The following DNAH5 variants were observed in gnomAD, a reference collection of about 807,000 sequenced individuals.
DNAH5 encodes axonemal beta dynein heavy chain 5.
DNAH5 carries 372 observed loss-of-function variants against 518.2 expected under a neutral mutation model. The ratio of observed to expected loss-of-function variants is 0.72; its 90% CI spans 0.66 to 0.78. DNAH5 has a LOEUF of 0.78. Among genes scored for constraint, DNAH5 ranks in the 30% least tolerant of loss-of-function variants. The pLI is 0.00. For missense variants in DNAH5, 5,523 were observed against 5,687.0 expected (o/e 0.97, Z 0.93); for synonymous variants, 2,039 against 2,025.9 (o/e 1.01, Z -0.17).
In DNAH5 at chr5:13,840,991, G is replaced by C; in HGVS notation, c.5624C>G (p.Thr1875Arg). 1 of 1,614,114 alleles carries C rather than the reference G, an allele frequency of 6.2e-7. No individual in the cohort carries two copies. The change falls in exon 34 of 79, where the codon ACG becomes AGG. Residue 1875 changes from threonine (T) to arginine (R), a missense_variant. By Grantham distance (71) the Thr-to-Arg change is moderately conservative. Around this residue, in one of 3 missense-constraint regions of DNAH5, gnomAD observed 5,121 missense variants for 5,223.3 expected, o/e 0.98. Coordinates refer to ENST00000265104, the MANE Select transcript of DNAH5 (RefSeq NM_001369.3). ...TCGTTCCGTGGAACTCAGATCCCTC[G>C]TGGTGACGTCTATCAATGTATTGAG... Reference protein sequence around the residue: ...ELLNTLIDVTTRDLSSTERVK... With the variant: ...ELLNTLIDVTRRDLSSTERVK...
At chr5:13,698,414 C>T (rs565718860) in intron 78 of DNAH5, among the ~76,000 whole-genome samples, 3 of 152,306 alleles carry the variant, frequency 2.0e-5, no homozygotes, top group African/African-American at 7.2e-5. Flanking sequence ...AAACGCCAAG[C>T]CATTTCTCCT....
At chr5:13,986,269 G>A (rs1783052398) in intron 1 of DNAH5, among the ~76,000 whole-genome samples, 2 of 152,190 alleles carry the variant, frequency 1.3e-5, no homozygotes, top group Admixed American at 6.5e-5. Flanking sequence ...GTGGAAAATA[G>A]TGTGTCAATC....
At chr5:13,749,194 G>T (rs951498663) in intron 65 of DNAH5, among the ~76,000 whole-genome samples, 10 of 152,044 alleles carry the variant, frequency 6.6e-5, no homozygotes, top group African/African-American at 2.4e-4. Context: ...TAAAGGTTAG[G>T]CGTTATAATG....
chr5:13,779,320 A>G (rs907090197), intron 53 of DNAH5, among the ~76,000 whole-genome samples: 1 of 152,198 alleles, frequency 6.6e-6, no homozygotes, highest in Non-Finnish European at 1.5e-5. Context: ...TAATCTTTGG[A>G]TTTATTCTCC....
intron 12 of DNAH5, among the ~76,000 whole-genome samples, chr5:13,906,696 T>TA (rs1369665147): frequency 1.3e-5 from 2 of 152,022 alleles, no homozygotes; most frequent in Admixed American, 6.6e-5. Context: ...TAGAGTACAA[T>TA]AAAAAAGCTA....
chr5:13,875,465 C>A (rs1278191842), intron 22 of DNAH5, among the ~76,000 whole-genome samples: 560 of 105,794 alleles, frequency 5.3e-3, no homozygotes, highest in African/African-American at 7.3e-3. Flanking sequence ...GAAACTCCTT[C>A]AAAAAAAAAA....
At chr5:13,964,777 T>C (rs1377433975) in intron 1 of DNAH5, among the ~76,000 whole-genome samples, 1 of 152,218 alleles carries the variant, frequency 6.6e-6, no homozygotes, top group East Asian at 1.9e-4. Flanking sequence ...TGTTTAAAGA[T>C]ATATACAGTA....
At chr5:13,755,650 C>CA (rs995494108) in intron 61 of DNAH5, among the ~76,000 whole-genome samples, 3 of 151,972 alleles carry the variant, frequency 2.0e-5, no homozygotes, top group Admixed American at 2.0e-4. Flanking sequence ...GGAGTTAAGG[C>CA]AAAAAAACTA....
chr5:13,830,441 T>C (rs1763503832), intron 36 of DNAH5, among the ~76,000 whole-genome samples, 156 bp downstream of exon 36: 1 of 152,120 alleles, frequency 6.6e-6, no homozygotes, highest in Admixed American at 6.5e-5. Flanking sequence ...GGAAGTAACA[T>C]TTGGTCCACA....
chr5:13,938,245 C>T (rs1011374819), intron 1 of DNAH5, among the ~76,000 whole-genome samples: 2 of 152,096 alleles, frequency 1.3e-5, no homozygotes, highest in Non-Finnish European at 2.9e-5. Context: ...ACCCAAAGCA[C>T]ACGGTCCCCC....
intron 31 of DNAH5, among the ~76,000 whole-genome samples, chr5:13,845,575 A>G (rs16902843): frequency 0.4 from 60,788 of 151,526 alleles, 12,526 homozygotes; most frequent in East Asian, 0.61. Context: ...GTTCCCGATC[A>G]CTGACTTGCT....
intron 1 of DNAH5, among the ~76,000 whole-genome samples, chr5:13,995,146 T>G (rs940663848): frequency 6.6e-6 from 1 of 152,182 alleles, no homozygotes; most frequent in Non-Finnish European, 1.5e-5. Flanking sequence ...TGTAGGTTTT[T>G]CAGCAGTGCT....
intron 75 of DNAH5, among the ~76,000 whole-genome samples, chr5:13,713,885 T>A (rs913792866): frequency 6.6e-6 from 1 of 152,066 alleles, no homozygotes; most frequent in Non-Finnish European, 1.5e-5. Flanking sequence ...GTCAAAAAAT[T>A]AACTTTCATC....
intron 76 of DNAH5, among the ~76,000 whole-genome samples, chr5:13,704,345 G>C (rs75762957): frequency 0.032 from 4,880 of 152,222 alleles, 238 homozygotes; most frequent in African/African-American, 0.1. Flanking sequence ...GCACACTCTC[G>C]CTTCACAGGG....
In DNAH5 at chr5:13,886,138, A is replaced by C. The variant is rs1466288520; in HGVS notation, c.2578-9T>G. The C allele has an allele frequency of 1.2e-4, 43 of 347,572 alleles. No individual in the cohort carries two copies. In the Admixed American group the frequency reaches 2.8e-3, roughly 23 times the overall value. The allele number at this position is 347,572 out of a possible 1,614,324, so 21.5% of individuals were successfully genotyped here. A position where few individuals can be genotyped will look rare whatever the true frequency, so the allele number is the denominator to read the frequency against. ...CCATTTACACAAAGATCCTAACCAA[A>C]AAAAAAAAAAAAAAAAGATAGCACA... On this transcript the variant is annotated splice_polypyrimidine_tract_variant and intron_variant, in intron 17 of 78. Coordinates refer to ENST00000265104, the MANE Select transcript of DNAH5 (RefSeq NM_001369.3).
chr5:13,718,817 A>T, intron 72 of DNAH5, 65 bp downstream of exon 72: 1 of 1,385,088 alleles, frequency 7.2e-7, no homozygotes, highest in South Asian at 1.2e-5. Flanking sequence ...TCCTTTTATA[A>T]TTTTTTTAGG....
intron 1 of DNAH5, among the ~76,000 whole-genome samples, chr5:13,952,104 T>C (rs1780460848): frequency 7.1e-6 from 1 of 141,622 alleles, no homozygotes; most frequent in African/African-American, 2.6e-5. Context: ...CCAGGGCCTC[T>C]AACATCACCC....
intron 60 of DNAH5, 64 bp downstream of exon 60, chr5:13,762,658 T>A: frequency 1.4e-6 from 2 of 1,463,810 alleles, no homozygotes; most frequent in Non-Finnish European, 9.5e-7. Context: ...CCTGTAAAGA[T>A]AAGACGGGTC....
At chr5:13,981,008 T>C (rs1782636570) in intron 1 of DNAH5, among the ~76,000 whole-genome samples, 1 of 152,180 alleles carries the variant, frequency 6.6e-6, no homozygotes, top group Admixed American at 6.5e-5. Flanking sequence ...TGAGCCAACT[T>C]CTGATCCCCA....
Sources: gnomAD v4.1 joint callset for allele counts (sites outside exome capture counted in the v4.1 genomes callset) on GRCh38, gnomAD v4.1.1 for gene constraint, gnomAD v4.1.1 regional missense constraint, MANE v1.5 for transcripts, NCBI Gene and HGNC (gene_info 2026-07-23, HGNC 2026-07-21) for gene names.